FTO: variants seen among roughly 807,000 people sequenced by gnomAD.
FTO encodes the protein alpha-ketoglutarate-dependent dioxygenase FTO.
In FTO, 47 loss-of-function variants were observed where a neutral mutation model predicts 63.9. That is an observed-to-expected ratio of 0.74 (90% CI 0.58 to 0.94). The LOEUF is 0.94. Ranked by LOEUF, FTO falls within the 40% of genes least tolerant of loss-of-function variation. FTO has a pLI of 0.00. For synonymous variants in FTO, 207 were observed against 224.4 expected (o/e 0.92, Z 0.69); for missense variants, 562 against 618.1 (o/e 0.91, Z 0.96).
intron 8 of FTO, among the ~76,000 whole-genome samples, chr16:54,110,010 C>G (rs2086844992): frequency 6.6e-6 from 1 of 152,180 alleles, no homozygotes; most frequent in East Asian, 1.9e-4. Flanking sequence ...AGAGAGAAAG[C>G]ACAATTTTAA....
intron 1 of FTO, among the ~76,000 whole-genome samples, chr16:53,800,596 T>C (rs4783821): frequency 0.72 from 110,012 of 152,042 alleles, 40,952 homozygotes; most frequent in African/African-American, 0.9. Context: ...AGACTATTAA[T>C]TATGGAATTA....
intron 4 of FTO, among the ~76,000 whole-genome samples, chr16:53,862,532 A>G: frequency 7.3e-6 from 1 of 136,476 alleles, no homozygotes; most frequent in East Asian, 2.1e-4. Flanking sequence ...ATCTTTCTGT[A>G]TCTTACTTTT....
intron 8 of FTO, among the ~76,000 whole-genome samples, chr16:53,971,308 A>G (rs144526321): frequency 0.011 from 1,670 of 152,342 alleles, 14 homozygotes; most frequent in Non-Finnish European, 0.016. Flanking sequence ...TTACTAAGTC[A>G]AAAGATATGA....
At chr16:53,964,028 C>T (rs947652675) in intron 8 of FTO, among the ~76,000 whole-genome samples, 1 of 152,236 alleles carries the variant, frequency 6.6e-6, no homozygotes, top group Non-Finnish European at 1.5e-5. Context: ...GCTGGGATTA[C>T]AGGTGTGAGC....
At chr16:53,715,488 C>T (rs1250366668) in intron 1 of FTO, among the ~76,000 whole-genome samples, 1 of 152,172 alleles carries the variant, frequency 6.6e-6, no homozygotes, top group Non-Finnish European at 1.5e-5. Flanking sequence ...GTCGATTGAA[C>T]CCATAGGCAG....
intron 8 of FTO, among the ~76,000 whole-genome samples, chr16:53,955,425 A>G (rs1286377967): frequency 1.3e-5 from 2 of 152,150 alleles, no homozygotes; most frequent in East Asian, 3.9e-4. Flanking sequence ...GGGGAGGGGA[A>G]TGGAACTTTT....
At chr16:53,867,393 G>A (rs2080351166) in intron 4 of FTO, among the ~76,000 whole-genome samples, 1 of 151,742 alleles carries the variant, frequency 6.6e-6, no homozygotes, top group African/African-American at 2.4e-5. Context: ...ATAAGTGAAG[G>A]TAAAATAAAA....
Position 54,119,099 on chromosome 16 carries a change from G to A in FTO, c.*7184G>A, listed in dbSNP as rs2086990373. 1 of 152,202 alleles carries A rather than the reference G, an allele frequency of 6.6e-6. No homozygotes were observed. Among genetic ancestry groups the A allele is most frequent in the Non-Finnish European group, 1.5e-5 (1 of 68,064 alleles). 9.4% of individuals were successfully genotyped at this position (152,202 alleles called of 1,614,324 possible). A position where few individuals can be genotyped will look rare whatever the true frequency, so the allele number is the denominator to read the frequency against. On this transcript the variant is annotated 3_prime_UTR_variant, in exon 9 of 9. Coordinates refer to ENST00000471389, the MANE Select transcript of FTO (RefSeq NM_001080432.3). ...CACAAGAATAGTCTCAATGAATCAT[G>A]TTAAGGCCTCTTTAGGTTTTTCAGA...
At chr16:54,110,798 C>T (rs1430410690) in intron 8 of FTO, among the ~76,000 whole-genome samples, 2 of 152,202 alleles carry the variant, frequency 1.3e-5, no homozygotes, top group African/African-American at 2.4e-5. Flanking sequence ...CAAGTGTCCT[C>T]ATAGTGTTTG....
At chr16:53,774,782 G>A (rs16952523) in intron 1 of FTO, among the ~76,000 whole-genome samples, 6,828 of 152,082 alleles carry the variant, frequency 0.045, 513 homozygotes, top group East Asian at 0.4. Context: ...TGTCACACTC[G>A]GGAAGGGCTA....
intron 8 of FTO, among the ~76,000 whole-genome samples, chr16:53,987,425 AC>A (rs1425377049): frequency 6.6e-6 from 1 of 152,010 alleles, no homozygotes; most frequent in African/African-American, 2.4e-5. Context: ...TACTAAAACT[AC>A]AAAAAAATTA....
At chr16:53,759,010 A>G (rs7186521) in intron 1 of FTO, among the ~76,000 whole-genome samples, 66,306 of 151,994 alleles carry the variant, frequency 0.44, 14,605 homozygotes, top group Middle Eastern at 0.48. Flanking sequence ...AGAAAAAAGG[A>G]TAGAGTCGTG....
At chr16:53,811,782 C>G (rs1168239629) in intron 2 of FTO, among the ~76,000 whole-genome samples, 1 of 152,076 alleles carries the variant, frequency 6.6e-6, no homozygotes, top group Non-Finnish European at 1.5e-5. Flanking sequence ...ACGTCCTCTG[C>G]TGACGTACCT....
intron 7 of FTO, among the ~76,000 whole-genome samples, chr16:53,926,901 G>T (rs533917288): frequency 6.6e-6 from 1 of 151,812 alleles, no homozygotes; most frequent in Non-Finnish European, 1.5e-5. Flanking sequence ...GCCAATAACC[G>T]AAGCATATAT....
chr16:54,096,813 T>G (rs1377396888), intron 8 of FTO, among the ~76,000 whole-genome samples: 1 of 152,208 alleles, frequency 6.6e-6, no homozygotes, highest in Admixed American at 6.5e-5. Context: ...ACCACCCTCA[T>G]GACCTAATTA....
Position 53,895,671 on chromosome 16 carries a change from T to C in FTO, c.1239+6720T>C, listed in dbSNP as rs548065341. On this transcript the variant is annotated intron_variant, in intron 7 of 8. Transcript: ENST00000471389. ...CAGAGCAAACCAGTGGGTAGGACTT[T>C]CTGTTTTTAACCCTTACATGAGCTG... 2.0e-5 allele frequency among the ~76,000 whole-genome samples: 3 copies of C among 152,340 alleles called. No homozygotes were observed. The South Asian group carries it at 6.2e-4, about 32-fold the overall frequency.
chr16:54,069,423 T>G (rs2085810124), intron 8 of FTO, among the ~76,000 whole-genome samples: 1 of 152,168 alleles, frequency 6.6e-6, no homozygotes, highest in Admixed American at 6.5e-5. Flanking sequence ...ATGCAGAGTT[T>G]AGGTTTGCAT....
intron 7 of FTO, among the ~76,000 whole-genome samples, chr16:53,904,971 G>A (rs1218885472): frequency 6.6e-6 from 1 of 151,978 alleles, no homozygotes; most frequent in African/African-American, 2.4e-5. Flanking sequence ...GACTTTGCGG[G>A]GAACTGTGAT....
chr16:53,730,487 A>G (rs1033660176), intron 1 of FTO, among the ~76,000 whole-genome samples: 1 of 150,632 alleles, frequency 6.6e-6, no homozygotes, highest in Non-Finnish European at 1.5e-5. Flanking sequence ...TGTAGTTTTC[A>G]TTATTTTAGA....
Sources: allele counts gnomAD v4.1 joint callset (sites outside exome capture counted in the v4.1 genomes callset), GRCh38; gene constraint gnomAD v4.1.1; transcripts MANE v1.5; gene names NCBI Gene and HGNC (gene_info 2026-07-23, HGNC 2026-07-21).